The following CSMD3 variants were observed in gnomAD, a reference collection of about 807,000 sequenced individuals.
CSMD3 encodes the protein CUB and Sushi multiple domains 3.
CSMD3 carries 177 observed loss-of-function variants against 435.2 expected under a neutral mutation model. That is an observed-to-expected ratio of 0.41 (90% CI 0.36 to 0.46). The LOEUF (loss-of-function observed/expected upper bound fraction) is 0.46. Ranked by LOEUF, CSMD3 falls within the 20% of genes least tolerant of loss-of-function variation. The pLI is 0.34. For synonymous variants in CSMD3, 1,656 were observed against 1,520.5 expected, an observed-to-expected ratio of 1.09 and a Z score of -2.07; for missense variants, 4,265 against 4,504.6, an observed-to-expected ratio of 0.95 and a Z score of 1.52.
At chr8:112,592,306 C>T (rs1250604202) in intron 22 of CSMD3, among the ~76,000 whole-genome samples, 5 of 151,976 alleles carry the variant, frequency 3.3e-5, no homozygotes, top group Non-Finnish European at 2.9e-5. Flanking sequence ...TACTTGCATA[C>T]AGTCTTATTT....
intron 23 of CSMD3, among the ~76,000 whole-genome samples, chr8:112,586,256 AG>A (rs1475319548): frequency 6.6e-6 from 1 of 151,554 alleles, no homozygotes; most frequent in Non-Finnish European, 1.5e-5. Context: ...TGAAAACAGA[AG>A]TATAATGAAT....
intron 24 of CSMD3, among the ~76,000 whole-genome samples, chr8:112,568,292 T>A (rs1702205216): frequency 6.6e-6 from 1 of 152,090 alleles, no homozygotes; most frequent in Non-Finnish European, 1.5e-5. Flanking sequence ...AGATTTAATT[T>A]GCTTTAGAAA....
At chr8:112,715,502 G>A (rs2076704583) in intron 13 of CSMD3, among the ~76,000 whole-genome samples, 2 of 152,110 alleles carry the variant, frequency 1.3e-5, no homozygotes, top group Non-Finnish European at 2.9e-5. Context: ...GGTACAAAGA[G>A]GAGCTGGTAC....
intron 36 of CSMD3, among the ~76,000 whole-genome samples, chr8:112,386,880 G>A (rs1156997151): frequency 1.3e-5 from 2 of 152,126 alleles, no homozygotes; most frequent in African/African-American, 4.8e-5. Context: ...TCATGGTAAT[G>A]GAATAGCTTC....
chr8:112,922,303 C>T (rs111253674), intron 9 of CSMD3, among the ~76,000 whole-genome samples: 5,138 of 151,732 alleles, frequency 0.034, 144 homozygotes, highest in Middle Eastern at 0.051. Context: ...TCATGCAATA[C>T]GAAATAATCA....
In CSMD3 at chr8:113,077,694, C is replaced by T. The variant is rs112700647; in HGVS notation, c.917+21062G>A. Among the ~76,000 whole-genome samples, 1,144 of 152,190 alleles carry T rather than the reference C, an allele frequency of 7.5e-3. 24 individuals carry two copies. Among genetic ancestry groups the T allele is most frequent in the African/African-American group, 0.026 (1,081 of 41,538 alleles). On this transcript the variant is annotated intron_variant, in intron 5 of 70. Coordinates refer to ENST00000297405, the MANE Select transcript of CSMD3 (RefSeq NM_198123.2). ...CTCCAGCCTGGGTGACAGAGCAAGACTCTTGTCTCAAAACAAAAACAAAAA... is the reference window on the plus strand; with the variant it reads ...CTCCAGCCTGGGTGACAGAGCAAGATTCTTGTCTCAAAACAAAAACAAAAA...
rs148526528 is a variant in CSMD3 at position 113,098,619 on chromosome 8, C to G, written c.917+137G>C. ...CGATCTTCAAAAATATCCTTCAGCTCTGACAACCTCTTCACATAACTTTCC... is the reference window on the plus strand; with the variant it reads ...CGATCTTCAAAAATATCCTTCAGCTGTGACAACCTCTTCACATAACTTTCC... On this transcript the variant is annotated intron_variant, in intron 5 of 70. Transcript: ENST00000297405. 182 of 658,708 alleles carry G rather than the reference C, an allele frequency of 2.8e-4. No individual in the cohort carries two copies. The African/African-American group carries it at 3.0e-3, about 11-fold the overall frequency. 40.8% of individuals were successfully genotyped at this position (658,708 alleles called of 1,614,324 possible).
chr8:113,040,287 G>C (rs2087550897), intron 5 of CSMD3, among the ~76,000 whole-genome samples: 1 of 152,140 alleles, frequency 6.6e-6, no homozygotes, highest in African/African-American at 2.4e-5. Flanking sequence ...CAATGGGCCA[G>C]GTATAATATG....
intron 32 of CSMD3, among the ~76,000 whole-genome samples, chr8:112,462,871 C>T (rs1817589687): frequency 1.3e-5 from 2 of 152,280 alleles, no homozygotes; most frequent in East Asian, 1.9e-4. Context: ...TGCAAGCACT[C>T]ACCTGTACAC....
At chr8:112,296,367 C>T (rs1031054992) in intron 53 of CSMD3, among the ~76,000 whole-genome samples, 18 of 151,668 alleles carry the variant, frequency 1.2e-4, no homozygotes, top group African/African-American at 4.3e-4. Context: ...CTGGCTAACA[C>T]GATGAAACCC....
chr8:113,207,447 T>C (rs987257164), intron 3 of CSMD3, among the ~76,000 whole-genome samples: 1 of 151,594 alleles, frequency 6.6e-6, no homozygotes, highest in Non-Finnish European at 1.5e-5. Flanking sequence ...AGCAGCGCGA[T>C]CTCGGCTCAC....
intron 32 of CSMD3, among the ~76,000 whole-genome samples, chr8:112,421,092 G>T (rs1365220228): frequency 1.3e-5 from 2 of 151,810 alleles, no homozygotes; most frequent in Non-Finnish European, 2.9e-5. Context: ...TTTTAAAAAA[G>T]GTTCTTAACT....
chr8:113,379,234 G>T (rs968221209), intron 1 of CSMD3, among the ~76,000 whole-genome samples: 1 of 151,850 alleles, frequency 6.6e-6, no homozygotes, highest in Non-Finnish European at 1.5e-5. Context: ...CTTTTGCATG[G>T]AATTTTAAAA....
intron 47 of CSMD3, among the ~76,000 whole-genome samples, chr8:112,317,598 C>T (rs1822593309): frequency 6.6e-6 from 1 of 151,996 alleles, no homozygotes; most frequent in South Asian, 2.1e-4. Flanking sequence ...TGAATGACAT[C>T]TAAATGTCTG....
chr8:112,476,010 T>C (rs1394953753), intron 31 of CSMD3, among the ~76,000 whole-genome samples: 5 of 152,200 alleles, frequency 3.3e-5, no homozygotes, highest in Non-Finnish European at 7.3e-5. Context: ...ATAACTTATG[T>C]AGTTAATAAA....
intron 32 of CSMD3, among the ~76,000 whole-genome samples, chr8:112,413,808 TC>T (rs1811613092): frequency 6.6e-6 from 1 of 152,220 alleles, no homozygotes; most frequent in Admixed American, 6.5e-5. Context: ...TTAATCAGGC[TC>T]TTCTGAATCC....
intron 13 of CSMD3, 108 bp downstream of exon 13, chr8:112,800,054 C>A: frequency 1.4e-6 from 1 of 731,822 alleles, no homozygotes; most frequent in Non-Finnish European, 2.5e-6. Flanking sequence ...TGAAATGTAG[C>A]ATGTGTTCTG....
chr8:113,019,156 G>A lies in CSMD3; in HGVS notation c.941C>T (p.Pro314Leu). ...CCAGTTTTTGTTGCTGATAATTGGT[G>A]GTGGTATATTCATTCCAGATAACCT... is the stretch of plus-strand genomic sequence containing the variant. ...TIWLSGMNIPPPIISNKNWLR... is the reference protein window; with the variant it reads ...TIWLSGMNIPLPIISNKNWLR... The change falls in exon 6 of 71, where the codon CCA (proline) becomes CTA (leucine). Residue 314 changes from proline (P) to leucine (L), a missense_variant. This residue lies in a region of CSMD3 where 731 missense variants were observed against 755.4 expected (regional missense o/e 0.97). Transcript: ENST00000297405. The A allele has an allele frequency of 6.2e-7, 1 of 1,611,906 alleles. No individual in the cohort carries two copies. Among genetic ancestry groups the A allele is most frequent in the East Asian group, 2.2e-5 (1 of 44,808 alleles).
At chr8:112,403,594 T>A (rs1831515932) in intron 35 of CSMD3, among the ~76,000 whole-genome samples, 2 of 152,104 alleles carry the variant, frequency 1.3e-5, no homozygotes, top group African/African-American at 4.8e-5. Flanking sequence ...TGCCTCTGTG[T>A]CCTCACATGG....
Sources: allele counts gnomAD v4.1 joint callset (sites outside exome capture counted in the v4.1 genomes callset), GRCh38; gene constraint gnomAD v4.1.1; regional missense constraint gnomAD v4.1.1; transcripts MANE v1.5; gene names NCBI Gene and HGNC (gene_info 2026-07-23, HGNC 2026-07-21).